PLPPR1: variants seen among roughly 807,000 people sequenced by gnomAD.
The protein encoded by PLPPR1 is phospholipid phosphatase-related protein type 1.
In PLPPR1, 10 loss-of-function variants were observed where a neutral mutation model predicts 33.1. The ratio of observed to expected loss-of-function variants is 0.30; its 90% CI spans 0.19 to 0.51. PLPPR1 has a LOEUF of 0.51. Ranked by LOEUF, PLPPR1 falls within the 20% of genes least tolerant of loss-of-function variation. PLPPR1 has a pLI of 0.97. For missense variants in PLPPR1, 304 were observed against 408.1 expected, an observed-to-expected ratio of 0.74 and a Z score of 2.20; for synonymous variants, 151 against 151.0, an observed-to-expected ratio of 1.00 and a Z score of 0.00.
At chr9:101,296,823 C>A (rs984157292) in intron 4 of PLPPR1, among the ~76,000 whole-genome samples, 1 of 151,656 alleles carries the variant, frequency 6.6e-6, no homozygotes, top group African/African-American at 2.4e-5. Context: ...GGAGGGATAG[C>A]ATTAGGAGAT....
intron 2 of PLPPR1, among the ~76,000 whole-genome samples, chr9:101,264,467 C>A (rs1182623874): frequency 6.6e-6 from 1 of 152,152 alleles, no homozygotes; most frequent in Admixed American, 6.5e-5. Context: ...CCAACCAGTT[C>A]ACCAGGCACC....
In PLPPR1 at chr9:101,075,511, T is replaced by C. The variant is rs80145047; in HGVS notation, c.-46+46409T>C. On this transcript the variant is annotated intron_variant, in intron 1 of 7. Coordinates refer to ENST00000374874, the MANE Select transcript of PLPPR1 (RefSeq NM_207299.2). ...TACAGATGACGTAGGTCACAAACAG[T>C]TCTCAGATGAGAGTAACAGAAAGAG... Among the ~76,000 whole-genome samples the C allele has an allele frequency of 5.6e-4, 86 of 152,354 alleles. 1 individual carries two copies. In the East Asian group the frequency reaches 0.016, roughly 29 times the overall value.
At chr9:101,128,198 G>T (rs573553664) in intron 1 of PLPPR1, among the ~76,000 whole-genome samples, 1 of 152,252 alleles carries the variant, frequency 6.6e-6, no homozygotes, top group African/African-American at 2.4e-5. Flanking sequence ...TAGTTTTAAA[G>T]AACCAAGTGG....
chr9:101,250,842 T>C (rs1021785768), intron 2 of PLPPR1, among the ~76,000 whole-genome samples: 10 of 152,102 alleles, frequency 6.6e-5, no homozygotes, highest in Admixed American at 6.6e-5. Flanking sequence ...TGGCAAGAGA[T>C]AGCCATCCTC....
At chr9:101,088,637 A>G (rs1161860724) in intron 1 of PLPPR1, among the ~76,000 whole-genome samples, 4 of 152,200 alleles carry the variant, frequency 2.6e-5, no homozygotes, top group African/African-American at 9.6e-5. Flanking sequence ...ATATCAGAAC[A>G]TCTTAAGTAA....
intron 1 of PLPPR1, among the ~76,000 whole-genome samples, chr9:101,086,281 G>C (rs1830674576): frequency 6.6e-6 from 1 of 152,174 alleles, no homozygotes; most frequent in Non-Finnish European, 1.5e-5. Context: ...GGCACTTATG[G>C]AAGAGGTGGG....
At chr9:101,289,601 G>A (rs1828456709) in intron 4 of PLPPR1, among the ~76,000 whole-genome samples, 1 of 152,186 alleles carries the variant, frequency 6.6e-6, no homozygotes, top group South Asian at 2.1e-4. Context: ...CTGTTCTCAT[G>A]GTAGTGAATA....
At chr9:101,245,633 A>C (rs913020461) in intron 2 of PLPPR1, among the ~76,000 whole-genome samples, 2 of 151,988 alleles carry the variant, frequency 1.3e-5, no homozygotes, top group East Asian at 3.9e-4. Context: ...TAAAAGAGTA[A>C]GAATCCACTG....
chr9:101,261,451 C>T (rs1170236444), intron 2 of PLPPR1, among the ~76,000 whole-genome samples: 3 of 152,142 alleles, frequency 2.0e-5, no homozygotes, highest in African/African-American at 4.8e-5. Context: ...CTGTGGGCAC[C>T]TCTTTAGTCC....
intron 4 of PLPPR1, among the ~76,000 whole-genome samples, chr9:101,301,802 A>G (rs1347693157): frequency 6.6e-6 from 1 of 152,244 alleles, no homozygotes; most frequent in Non-Finnish European, 1.5e-5. Flanking sequence ...AAATGATGAC[A>G]TATCATAGAT....
intron 1 of PLPPR1, among the ~76,000 whole-genome samples, chr9:101,100,513 A>G (rs568430552): frequency 5.9e-5 from 9 of 152,126 alleles, no homozygotes; most frequent in Non-Finnish European, 1.2e-4. Flanking sequence ...ACTTCTCTCA[A>G]CTCACCTGCT....
At chr9:101,066,618 G>A (rs756360525) in intron 1 of PLPPR1, among the ~76,000 whole-genome samples, 13 of 151,842 alleles carry the variant, frequency 8.6e-5, no homozygotes, top group Non-Finnish European at 1.9e-4. Flanking sequence ...ACTATATTTT[G>A]TTGCTCAAGT....
intron 1 of PLPPR1, among the ~76,000 whole-genome samples, chr9:101,063,573 A>C (rs1830371768): frequency 1.3e-5 from 2 of 152,080 alleles, no homozygotes; most frequent in African/African-American, 4.8e-5. Context: ...GTAGAACACT[A>C]GCTGTTTCTT....
rs968940231 is a variant in PLPPR1 at position 101,178,128 on chromosome 9, A to G, written c.-45-7322A>G. Among the ~76,000 whole-genome samples the G allele has an allele frequency of 7.2e-5, 11 of 152,358 alleles. No individual in the cohort carries two copies. In the Middle Eastern group the frequency reaches 0.017, roughly 236 times the overall value. ...GGAGGATTTTAATGATCAAGTGGAT[A>G]GAATGACCTATGACCTGTGGATACC... On this transcript the variant is annotated intron_variant, in intron 1 of 7. Transcript: ENST00000374874.
At chr9:101,293,043 G>A (rs1431340863) in intron 4 of PLPPR1, among the ~76,000 whole-genome samples, 3 of 152,076 alleles carry the variant, frequency 2.0e-5, no homozygotes, top group Non-Finnish European at 2.9e-5. Context: ...TCAGTGTGCT[G>A]TATTCAGGAA....
At chr9:101,032,403 G>A (rs1428721036) in intron 1 of PLPPR1, among the ~76,000 whole-genome samples, 1 of 152,052 alleles carries the variant, frequency 6.6e-6, no homozygotes, top group Non-Finnish European at 1.5e-5. Flanking sequence ...CAGTAGGGGT[G>A]GACAAGAGGA....
intron 2 of PLPPR1, among the ~76,000 whole-genome samples, chr9:101,220,910 T>C (rs1035367692): frequency 2.6e-5 from 4 of 152,030 alleles, no homozygotes; most frequent in Non-Finnish European, 5.9e-5. Flanking sequence ...GGAGAACTGG[T>C]TTTTCAAAGT....
At chr9:101,234,373 T>C (rs1022720604) in intron 2 of PLPPR1, among the ~76,000 whole-genome samples, 1 of 151,932 alleles carries the variant, frequency 6.6e-6, no homozygotes, top group African/African-American at 2.4e-5. Flanking sequence ...TGGAGAGTTT[T>C]AATGGCTACT....
intron 1 of PLPPR1, among the ~76,000 whole-genome samples, chr9:101,068,121 C>G (rs1387959814): frequency 2.6e-5 from 4 of 151,976 alleles, no homozygotes; most frequent in East Asian, 3.9e-4. Flanking sequence ...ATATTAATGC[C>G]AAACATTTAT....
Sources: gnomAD v4.1 joint callset for allele counts (sites outside exome capture counted in the v4.1 genomes callset) on GRCh38, gnomAD v4.1.1 for gene constraint, MANE v1.5 for transcripts, NCBI Gene and HGNC (gene_info 2026-07-23, HGNC 2026-07-21) for gene names.